Variants in DMD observed in about 807,000 individuals in gnomAD.
DMD encodes the protein mutant dystrophin.
DMD carries 63 observed loss-of-function variants against 330.1 expected under a neutral mutation model. The observed-to-expected ratio is 0.19, with a 90% CI of 0.16 to 0.24. DMD has a LOEUF of 0.24. DMD is among the 10% of genes least tolerant of loss of function. The pLI is 1.00. For missense variants in DMD, 3,344 were observed against 2,684.1 expected (o/e 1.25, Z -5.43); for synonymous variants, 1,223 against 959.8 (o/e 1.27, Z -5.07).
intron 47 of DMD, among the ~76,000 whole-genome samples, chrX:31,888,078 G>A (rs191619065): frequency 4.8e-4 from 53 of 111,396 alleles, no homozygotes; most frequent in African/African-American, 1.6e-3. Context: ...GTTACTTGGC[G>A]GCTGGACTAG....
At chrX:32,764,574 C>T (rs939769732) in intron 7 of DMD, among the ~76,000 whole-genome samples, 4 of 111,380 alleles carry the variant, frequency 3.6e-5, no homozygotes, top group African/African-American at 1.3e-4. Flanking sequence ...GCTTTTTCCC[C>T]TTAGCATATC....
At position 31,209,833 on chromosome X, in the gene DMD, T is replaced by C. The variant is rs888486581; in HGVS notation, c.9362-134A>G. 4 of 595,691 alleles carry C rather than the reference T, an allele frequency of 6.7e-6. No individual in the cohort carries two copies. The African/African-American group carries it at 6.8e-5, about 10-fold the overall frequency. 49.1% of individuals were successfully genotyped at this position (595,691 alleles called of 1,213,427 possible). ...ACACCAAACGTGAACCACACTCTCT[T>C]TGAAAGGTGTTTTATTTTTATGCCT... is the stretch of plus-strand genomic sequence containing the variant. On this transcript the variant is annotated intron_variant, in intron 64 of 78. Coordinates refer to ENST00000357033, the MANE Select transcript of DMD (RefSeq NM_004006.3).
intron 9 of DMD, among the ~76,000 whole-genome samples, chrX:32,680,780 C>A (rs1002580313): frequency 9.1e-6 from 1 of 109,588 alleles, no homozygotes; most frequent in East Asian, 2.8e-4. Flanking sequence ...CCCACCCCAA[C>A]CTTTCTCCCC....
intron 55 of DMD, among the ~76,000 whole-genome samples, chrX:31,511,758 A>G (rs1381470213): frequency 9.4e-6 from 1 of 106,311 alleles, no homozygotes; most frequent in Non-Finnish European, 1.9e-5. Flanking sequence ...GTTGGTTCCA[A>G]GTCTTTGCTA....
chrX:32,950,143 G>T (rs2091156810), intron 2 of DMD, among the ~76,000 whole-genome samples: 2 of 110,175 alleles, frequency 1.8e-5, no homozygotes, highest in South Asian at 7.8e-4. Context: ...GCAACCTATG[G>T]GATTAAGTAG....
chrX:31,814,119 T>C (rs1409605575), intron 50 of DMD, among the ~76,000 whole-genome samples: 1 of 111,026 alleles, frequency 9.0e-6, no homozygotes, highest in African/African-American at 3.3e-5. Flanking sequence ...GCTTTCCTAA[T>C]TACACTTGAG....
rs2053266535 is a variant in DMD, at chrX:33,278,189, T to C, written c.7+61070A>G. Among the ~76,000 whole-genome samples the C allele has an allele frequency of 3.6e-5, 4 of 111,959 alleles. No homozygotes were observed. The South Asian group carries it at 1.5e-3, about 42-fold the overall frequency. Reference sequence around the variant, plus strand: ...TGCTTTTCCTTTTTTACATTTCAACTTTTATTTTACATCCAGGGGGTATAT... The same window carrying C: ...TGCTTTTCCTTTTTTACATTTCAACCTTTATTTTACATCCAGGGGGTATAT... On this transcript the variant is annotated intron_variant, in intron 1 of 17. Transcript: ENST00000288447.
At chrX:31,830,125 C>T (rs1030592427) in intron 49 of DMD, among the ~76,000 whole-genome samples, 1 of 112,262 alleles carries the variant, frequency 8.9e-6, no homozygotes, top group South Asian at 3.7e-4. Context: ...ACAGAATTTG[C>T]TTAATTAAAA....
chrX:32,216,289 T>C (rs2097112081), intron 44 of DMD, among the ~76,000 whole-genome samples: 2 of 112,048 alleles, frequency 1.8e-5, no homozygotes, highest in Admixed American at 9.5e-5. Context: ...AATCTATCTT[T>C]ACCTGCATAT....
intron 7 of DMD, among the ~76,000 whole-genome samples, chrX:32,796,113 A>T (rs892999201): frequency 3.6e-5 from 3 of 82,661 alleles, no homozygotes; most frequent in African/African-American, 1.2e-4. Context: ...TAATAAGTAT[A>T]TATGTAAAGG....
chrX:31,481,976 T>C (rs181129009), intron 57 of DMD, among the ~76,000 whole-genome samples: 211 of 110,979 alleles, frequency 1.9e-3, no homozygotes, highest in Non-Finnish European at 3.3e-3. Context: ...CTCCTTCTCC[T>C]TTATAAGCAG....
chrX:31,959,439 G>A (rs2095278748), intron 45 of DMD, among the ~76,000 whole-genome samples: 1 of 110,912 alleles, frequency 9.0e-6, no homozygotes, highest in South Asian at 3.8e-4. Flanking sequence ...AAAATTGGAG[G>A]GATTATATAA....
At chrX:32,899,352 A>G (rs192752534) in intron 2 of DMD, among the ~76,000 whole-genome samples, 15 of 110,971 alleles carry the variant, frequency 1.4e-4, no homozygotes, top group Non-Finnish European at 2.3e-4. Flanking sequence ...CCTGTTTTTA[A>G]TTTAGTATAA....
chrX:32,600,536 C>A (rs1473957532), intron 12 of DMD, among the ~76,000 whole-genome samples: 1 of 102,511 alleles, frequency 9.8e-6, no homozygotes, highest in African/African-American at 3.7e-5. Flanking sequence ...CCTCCGACTT[C>A]ATTGAATACC....
intron 50 of DMD, among the ~76,000 whole-genome samples, chrX:31,787,300 G>A (rs887649102): frequency 9.0e-6 from 1 of 111,722 alleles, no homozygotes; most frequent in African/African-American, 3.3e-5. Flanking sequence ...GAAACTAAGA[G>A]GTGGAGGTTG....
chrX:33,131,403 T>A (rs1354211703), intron 1 of DMD, among the ~76,000 whole-genome samples: 1 of 112,138 alleles, frequency 8.9e-6, no homozygotes, highest in African/African-American at 3.2e-5. Context: ...TTTGAGAATC[T>A]GTACCCATTG....
intron 62 of DMD, among the ~76,000 whole-genome samples, chrX:31,289,140 A>G (rs1427525329): frequency 1.9e-5 from 2 of 107,164 alleles, no homozygotes; most frequent in Non-Finnish European, 3.9e-5. Context: ...TTAGCTGGGC[A>G]TGATGGCGGG....
chrX:32,128,649 C>T (rs1045732427), intron 44 of DMD, among the ~76,000 whole-genome samples: 5 of 111,912 alleles, frequency 4.5e-5, no homozygotes, highest in Non-Finnish European at 7.5e-5. Flanking sequence ...GAGAAATTTT[C>T]ATGATGCCTT....
At chrX:32,425,608 C>T (rs2098209210) in intron 29 of DMD, among the ~76,000 whole-genome samples, 1 of 111,460 alleles carries the variant, frequency 9.0e-6, no homozygotes, top group South Asian at 3.8e-4. Context: ...TTGCCCTGCT[C>T]ATTTTCTCTT....
Sources: allele counts gnomAD v4.1 joint callset (sites outside exome capture counted in the v4.1 genomes callset), GRCh38; gene constraint gnomAD v4.1.1; transcripts MANE v1.5; gene names NCBI Gene and HGNC (gene_info 2026-07-23, HGNC 2026-07-21).